The following AUTS2 variants were observed in gnomAD, a reference collection of about 807,000 sequenced individuals.
AUTS2 encodes autism susceptibility gene 2 protein.
Under a neutral mutation model 112.4 loss-of-function variants are expected in AUTS2, and 17 were observed. That is an observed-to-expected ratio of 0.15 (90% CI 0.10 to 0.23). AUTS2 has a LOEUF of 0.23. AUTS2 is among the 10% of genes least tolerant of loss of function. The pLI is 1.00. For synonymous variants in AUTS2, 751 were observed against 702.7 expected (o/e 1.07, Z -1.09); for missense variants, 1,510 against 1,701.6 (o/e 0.89, Z 1.98).
In AUTS2 at chr7:70,671,667, A is replaced by G. The variant is rs149141572; in HGVS notation, c.691-26902A>G. On this transcript the variant is annotated intron_variant, in intron 5 of 18. Coordinates refer to ENST00000342771, the MANE Select transcript of AUTS2 (RefSeq NM_015570.4). ...GGCATGGCAAGTAATAACCCCCCCT[A>G]TGAATGAAGAGGTTGCTGTGTTCAA... is the stretch of plus-strand genomic sequence containing the variant. Among the ~76,000 whole-genome samples the G allele has an allele frequency of 4.3e-3, 655 of 151,868 alleles. 1 individual carries two copies. Among genetic ancestry groups the G allele is most frequent in the Non-Finnish European group, 7.0e-3 (475 of 67,938 alleles).
At chr7:70,435,041 G>A (rs1277888010) in intron 4 of AUTS2, among the ~76,000 whole-genome samples, 1 of 152,122 alleles carries the variant, frequency 6.6e-6, no homozygotes, top group East Asian at 1.9e-4. Flanking sequence ...CTCAGTGGTT[G>A]GAATTTGGGA....
chr7:70,635,290 C>G (rs1805477314), intron 5 of AUTS2, among the ~76,000 whole-genome samples: 1 of 152,202 alleles, frequency 6.6e-6, no homozygotes, highest in Non-Finnish European at 1.5e-5. Context: ...TGTGTCCTCT[C>G]AACTTTGTGA....
At chr7:69,611,367 T>C (rs1033923167) in intron 1 of AUTS2, among the ~76,000 whole-genome samples, 1 of 152,192 alleles carries the variant, frequency 6.6e-6, no homozygotes, top group African/African-American at 2.4e-5. Flanking sequence ...GCCTGTGTGC[T>C]GGGAGGTGCG....
intron 2 of AUTS2, among the ~76,000 whole-genome samples, chr7:70,035,648 T>G (rs1005414316): frequency 1.3e-5 from 2 of 152,184 alleles, no homozygotes; most frequent in African/African-American, 4.8e-5. Flanking sequence ...TATGAGACCT[T>G]AGGTCACTGG....
At chr7:70,780,542 A>ATCTT (rs989033498) in intron 14 of AUTS2, among the ~76,000 whole-genome samples, 3 of 151,736 alleles carry the variant, frequency 2.0e-5, no homozygotes, top group African/African-American at 7.3e-5. Context: ...CGCCTGGCTG[A>ATCTT]TCTTTTGTAT....
At chr7:70,023,108 G>A (rs1159533794) in intron 2 of AUTS2, among the ~76,000 whole-genome samples, 1 of 152,116 alleles carries the variant, frequency 6.6e-6, no homozygotes, top group Non-Finnish European at 1.5e-5. Context: ...GCCTCCCAAA[G>A]TGTTGGAATT....
At chr7:70,679,025 A>G (rs1048802413) in intron 5 of AUTS2, among the ~76,000 whole-genome samples, 1 of 152,274 alleles carries the variant, frequency 6.6e-6, no homozygotes, top group Middle Eastern at 3.4e-3. Flanking sequence ...CAAACCCTAA[A>G]TGAGTAGATG....
intron 5 of AUTS2, among the ~76,000 whole-genome samples, chr7:70,560,249 C>T (rs1232985899): frequency 1.3e-5 from 2 of 152,216 alleles, no homozygotes; most frequent in Non-Finnish European, 2.9e-5. Context: ...TCTACTTATC[C>T]AGCTTTGCTC....
At chr7:70,460,338 C>CTTT (rs10537541) in intron 5 of AUTS2, among the ~76,000 whole-genome samples, 11 of 38,218 alleles carry the variant, frequency 2.9e-4, no homozygotes, top group Admixed American at 7.7e-4. Flanking sequence ...ACAGCCTGGT[C>CTTT]TTTTTTTTTT....
intron 5 of AUTS2, among the ~76,000 whole-genome samples, chr7:70,495,096 A>G (rs1299254890): frequency 6.6e-6 from 1 of 152,134 alleles, no homozygotes; most frequent in Non-Finnish European, 1.5e-5. Context: ...TAAATAGACA[A>G]GTAGGGTGAT....
intron 4 of AUTS2, among the ~76,000 whole-genome samples, chr7:70,271,309 C>A (rs994235184): frequency 6.6e-6 from 1 of 151,900 alleles, no homozygotes; most frequent in Non-Finnish European, 1.5e-5. Flanking sequence ...ATCTTTTTGC[C>A]CCTTCCAAAG....
intron 1 of AUTS2, among the ~76,000 whole-genome samples, chr7:69,705,210 T>C (rs1798011626): frequency 6.6e-6 from 1 of 152,212 alleles, no homozygotes; most frequent in Non-Finnish European, 1.5e-5. Flanking sequence ...CCCTTTTTCT[T>C]TGCAGACTTG....
intron 1 of AUTS2, among the ~76,000 whole-genome samples, chr7:69,827,804 C>T (rs1791319341): frequency 6.6e-6 from 1 of 152,194 alleles, no homozygotes; most frequent in Non-Finnish European, 1.5e-5. Context: ...TGGGATGTCT[C>T]TATGACTGCT....
At chr7:70,239,430 C>A (rs1452203511) in intron 4 of AUTS2, among the ~76,000 whole-genome samples, 1 of 152,076 alleles carries the variant, frequency 6.6e-6, no homozygotes, top group African/African-American at 2.4e-5. Flanking sequence ...GCCCTGCAAC[C>A]TAATTTTTTT....
chr7:69,691,707 C>T (rs540885620), intron 1 of AUTS2, among the ~76,000 whole-genome samples: 1 of 151,932 alleles, frequency 6.6e-6, no homozygotes. Context: ...CAGCTGTGCC[C>T]AGGAGTGCAG....
chr7:70,152,371 T>C (rs1807488722), intron 4 of AUTS2, among the ~76,000 whole-genome samples: 2 of 148,996 alleles, frequency 1.3e-5, no homozygotes, highest in South Asian at 4.2e-4. Context: ...GAAAATCTTA[T>C]AAATAGCCAG....
At chr7:70,579,243 CTAA>C (rs1802317520) in intron 5 of AUTS2, among the ~76,000 whole-genome samples, 2 of 7,916 alleles carry the variant, frequency 2.5e-4, no homozygotes, top group African/African-American at 8.2e-4. Flanking sequence ...ATTCTCTTTT[CTAA>C]AAAAAAAAAA....
chr7:69,977,104 A>T (rs1005596913), intron 2 of AUTS2, among the ~76,000 whole-genome samples: 1 of 152,146 alleles, frequency 6.6e-6, no homozygotes, highest in African/African-American at 2.4e-5. Flanking sequence ...GTCTTTATCC[A>T]TGTTGAGTTA....
At chr7:70,517,507 A>C (rs1799462634) in intron 5 of AUTS2, among the ~76,000 whole-genome samples, 1 of 149,708 alleles carries the variant, frequency 6.7e-6, no homozygotes, top group Non-Finnish European at 1.5e-5. Flanking sequence ...TTTGGGGCAA[A>C]TTGTATATAC....
Sources: allele counts gnomAD v4.1 joint callset (sites outside exome capture counted in the v4.1 genomes callset), GRCh38; gene constraint gnomAD v4.1.1; transcripts MANE v1.5; gene names NCBI Gene and HGNC (gene_info 2026-07-23, HGNC 2026-07-21).